The following L3MBTL4 variants were observed in gnomAD, a reference collection of about 807,000 sequenced individuals.
L3MBTL4 encodes the protein L3MBTL histone methyl-lysine binding protein 4.
L3MBTL4 carries 70 observed loss-of-function variants against 84.5 expected under a neutral mutation model. That is an observed-to-expected ratio of 0.83 (90% CI 0.68 to 1.01). The LOEUF is 1.01. L3MBTL4 is among the 50% of genes least tolerant of loss of function. The pLI is 0.00. For synonymous variants in L3MBTL4, 274 were observed against 259.8 expected (o/e 1.05, Z -0.52); for missense variants, 715 against 754.8 (o/e 0.95, Z 0.62).
intron 14 of L3MBTL4, among the ~76,000 whole-genome samples, chr18:6,113,908 C>T (rs1008422578): frequency 6.6e-6 from 1 of 152,176 alleles, no homozygotes; most frequent in African/African-American, 2.4e-5. Context: ...AATGTCATCA[C>T]TGATGTTTGT....
At chr18:6,037,740 T>C (rs2056204348) in intron 16 of L3MBTL4, among the ~76,000 whole-genome samples, 1 of 152,242 alleles carries the variant, frequency 6.6e-6, no homozygotes, top group South Asian at 2.1e-4. Flanking sequence ...CAACCAACTG[T>C]AGCCTCTGTT....
intron 14 of L3MBTL4, 136 bp downstream of exon 14, chr18:6,138,058 G>T (rs1438578219): frequency 3.7e-6 from 2 of 542,010 alleles, no homozygotes; most frequent in South Asian, 3.2e-5. Context: ...TCAAGGAAAG[G>T]CCTCAGCAAC....
chr18:6,213,119 TA>T (rs1209844691), intron 12 of L3MBTL4, 29 bp downstream of exon 12: 1 of 1,232,930 alleles, frequency 8.1e-7, no homozygotes, highest in Admixed American at 2.2e-5. Flanking sequence ...AAAATATTGA[TA>T]TAATAACATA....
intron 4 of L3MBTL4, among the ~76,000 whole-genome samples, chr18:6,292,015 T>C (rs1428863073): frequency 1.3e-5 from 2 of 152,132 alleles, no homozygotes; most frequent in African/African-American, 4.8e-5. Flanking sequence ...TAGAAGAGAA[T>C]AATTCAAATA....
chr18:6,038,664 G>A (rs1219740864), intron 16 of L3MBTL4, among the ~76,000 whole-genome samples: 1 of 152,132 alleles, frequency 6.6e-6, no homozygotes, highest in African/African-American at 2.4e-5. Flanking sequence ...GCAATGTGAG[G>A]AGGCATCTAA....
At chr18:6,109,113 A>T (rs968063018) in intron 14 of L3MBTL4, among the ~76,000 whole-genome samples, 1 of 152,118 alleles carries the variant, frequency 6.6e-6, no homozygotes, top group Non-Finnish European at 1.5e-5. Context: ...GAGGAAGAAA[A>T]CTAGTGAAGG....
chr18:6,156,344 C>T (rs1373671117), intron 13 of L3MBTL4, among the ~76,000 whole-genome samples: 4 of 149,928 alleles, frequency 2.7e-5, no homozygotes, highest in Non-Finnish European at 5.9e-5. Flanking sequence ...GCAGTTAGTA[C>T]ATTAGAGATA....
chr18:6,227,401 A>G (rs2046823175), intron 10 of L3MBTL4, among the ~76,000 whole-genome samples: 1 of 152,228 alleles, frequency 6.6e-6, no homozygotes, highest in Non-Finnish European at 1.5e-5. Context: ...GGGGAAAATT[A>G]TGTTTTAAAG....
At chr18:5,976,707 T>C (rs761430225) in intron 16 of L3MBTL4, among the ~76,000 whole-genome samples, 1 of 152,144 alleles carries the variant, frequency 6.6e-6, no homozygotes, top group Non-Finnish European at 1.5e-5. Context: ...TTATAACTGA[T>C]GCTCAACAAA....
At chr18:6,411,186 C>T (rs2055949096) in intron 1 of L3MBTL4, among the ~76,000 whole-genome samples, 1 of 152,200 alleles carries the variant, frequency 6.6e-6, no homozygotes, top group Non-Finnish European at 1.5e-5. Flanking sequence ...CTTCTAATTT[C>T]ATCGTTCTGC....
intron 4 of L3MBTL4, among the ~76,000 whole-genome samples, chr18:6,283,130 C>T (rs561921071): frequency 2.0e-5 from 3 of 152,256 alleles, no homozygotes; most frequent in African/African-American, 7.2e-5. Context: ...CTCATGCTTT[C>T]TGAAAGTTTG....
At chr18:6,354,342 A>G (rs1763908476) in intron 1 of L3MBTL4, among the ~76,000 whole-genome samples, 1 of 152,138 alleles carries the variant, frequency 6.6e-6, no homozygotes, top group Non-Finnish European at 1.5e-5. Context: ...ATGAGAAAAC[A>G]TCAGCGAAAC....
intron 5 of L3MBTL4, among the ~76,000 whole-genome samples, chr18:6,251,131 G>A (rs956006283): frequency 6.6e-6 from 1 of 152,192 alleles, no homozygotes; most frequent in Non-Finnish European, 1.5e-5. Context: ...GTATTTTCCA[G>A]GATGAATACA....
chr18:6,356,874 G>A (rs1249201091), intron 1 of L3MBTL4: 1 of 152,102 alleles, frequency 6.6e-6, no homozygotes, highest in Non-Finnish European at 1.5e-5. Context: ...CTTACTATAA[G>A]TTTTTACTTT....
chr18:6,218,872 C>T (rs2046432903), intron 10 of L3MBTL4, among the ~76,000 whole-genome samples: 1 of 152,124 alleles, frequency 6.6e-6, no homozygotes, highest in African/African-American at 2.4e-5. Context: ...GGGCCAGGTC[C>T]ATGCACACAG....
intron 13 of L3MBTL4, among the ~76,000 whole-genome samples, chr18:6,146,543 C>A (rs536782113): frequency 2.6e-5 from 4 of 152,200 alleles, no homozygotes; most frequent in African/African-American, 9.6e-5. Flanking sequence ...GGCTGCCAGG[C>A]CTGCGGCAAG....
At chr18:6,011,418 A>G (rs2054731754) in intron 16 of L3MBTL4, among the ~76,000 whole-genome samples, 1 of 152,236 alleles carries the variant, frequency 6.6e-6, no homozygotes, top group East Asian at 1.9e-4. Flanking sequence ...GATACCTGAC[A>G]TAGACAGCTC....
intron 16 of L3MBTL4, among the ~76,000 whole-genome samples, chr18:6,016,016 C>T (rs79998934): frequency 0.026 from 4,020 of 152,224 alleles, 183 homozygotes; most frequent in African/African-American, 0.093. Flanking sequence ...ACTGAGTGTC[C>T]TGTGACCACT....
At chr18:6,182,171 G>T (rs1016775909) in intron 12 of L3MBTL4, among the ~76,000 whole-genome samples, 2 of 152,038 alleles carry the variant, frequency 1.3e-5, no homozygotes, top group African/African-American at 4.8e-5. Flanking sequence ...GTTATTTTTT[G>T]ACTTTTTAAT....
Sources: gnomAD v4.1 joint callset for allele counts (sites outside exome capture counted in the v4.1 genomes callset) on GRCh38, gnomAD v4.1.1 for gene constraint, MANE v1.5 for transcripts, NCBI Gene and HGNC (gene_info 2026-07-23, HGNC 2026-07-21) for gene names.